Variants in ITPK1 observed in about 807,000 individuals in gnomAD.
The protein encoded by ITPK1 is inositol-tetrakisphosphate 1-kinase.
In ITPK1, 21 loss-of-function variants were observed where a neutral mutation model predicts 45.3. The observed-to-expected ratio is 0.46, with a 90% CI of 0.33 to 0.67. ITPK1 has a LOEUF of 0.67. Among genes scored for constraint, ITPK1 ranks in the 30% least tolerant of loss-of-function variants. The pLI is 0.02. For missense variants in ITPK1, 474 were observed against 573.5 expected (o/e 0.83, Z 1.77); for synonymous variants, 258 against 253.6 (o/e 1.02, Z -0.16).
chr14:93,020,191 C>T (rs902110454), intron 3 of ITPK1, among the ~76,000 whole-genome samples: 12 of 152,190 alleles, frequency 7.9e-5, no homozygotes, highest in African/African-American at 2.2e-4. Context: ...GGCTGGGAGA[C>T]GGCACAAAGG....
At position 93,031,754 on chromosome 14, in the gene ITPK1, C is replaced by T. The variant is rs971671158; in HGVS notation, c.121-14953G>A. Among the ~76,000 whole-genome samples the T allele has an allele frequency of 1.1e-4, 16 of 152,274 alleles. 1 individual carries two copies. Among genetic ancestry groups the T allele is most frequent in the African/African-American group, 2.4e-5 (1 of 41,544 alleles). ...CTCCTCCCTTCCACACCCTGGCTTCCGGCCTGGGATGTTTATTTTTGCTGA... is the reference window on the plus strand; with the variant it reads ...CTCCTCCCTTCCACACCCTGGCTTCTGGCCTGGGATGTTTATTTTTGCTGA... On this transcript the variant is annotated intron_variant, in intron 3 of 10. Transcript: ENST00000267615.
intron 2 of ITPK1, among the ~76,000 whole-genome samples, chr14:93,086,820 C>A (rs1191975368): frequency 6.6e-6 from 1 of 152,342 alleles, no homozygotes; most frequent in Non-Finnish European, 1.5e-5. Flanking sequence ...TGGGGCCCCC[C>A]AGCCACAGGC....
chr14:92,955,560 CA>C (rs1441659496), intron 8 of ITPK1, among the ~76,000 whole-genome samples: 1 of 152,344 alleles, frequency 6.6e-6, no homozygotes, highest in Admixed American at 6.5e-5. Context: ...GCAGAGAACA[CA>C]AAATGTTCCT....
At chr14:93,083,000 G>A (rs1009351085) in intron 2 of ITPK1, among the ~76,000 whole-genome samples, 1 of 152,256 alleles carries the variant, frequency 6.6e-6, no homozygotes, top group African/African-American at 2.4e-5. Context: ...GAGCAGCAGG[G>A]ACCCTGTGAG....
rs568624573 is a variant in ITPK1 at position 92,940,411 on chromosome 14, A to C, written c.*1150T>G. 46 of 1,028,144 alleles carry C rather than the reference A, an allele frequency of 4.5e-5. No individual in the cohort carries two copies. The South Asian group carries it at 1.4e-3, about 32-fold the overall frequency. 63.7% of individuals were successfully genotyped at this position (1,028,144 alleles called of 1,614,324 possible). Reference sequence around the variant, plus strand: ...CGGCAGAGCCAGTGCTTTGCTGCCAAGGTGATGGGGTGAGTCTGAGGTGTG... The same window carrying C: ...CGGCAGAGCCAGTGCTTTGCTGCCACGGTGATGGGGTGAGTCTGAGGTGTG... On this transcript the variant is annotated 3_prime_UTR_variant, in exon 11 of 11. Transcript: ENST00000267615.
At chr14:93,095,914 A>G (rs910613873) in intron 2 of ITPK1, among the ~76,000 whole-genome samples, 1 of 152,208 alleles carries the variant, frequency 6.6e-6, no homozygotes, top group Non-Finnish European at 1.5e-5. Flanking sequence ...ATGTTGCTGC[A>G]AAGGATGGGG....
chr14:92,960,808 C>T (rs1041819240), intron 7 of ITPK1, among the ~76,000 whole-genome samples: 3 of 152,252 alleles, frequency 2.0e-5, no homozygotes, highest in Non-Finnish European at 2.9e-5. Context: ...CTCGAGCCTT[C>T]CTGCTCCCTC....
At chr14:93,093,644 C>T (rs895370513) in intron 2 of ITPK1, among the ~76,000 whole-genome samples, 1 of 152,210 alleles carries the variant, frequency 6.6e-6, no homozygotes, top group Non-Finnish European at 1.5e-5. Flanking sequence ...CGTGGCGATG[C>T]TGAGGAACCA....
intron 5 of ITPK1, among the ~76,000 whole-genome samples, chr14:92,979,018 A>G (rs922242847): frequency 6.6e-6 from 1 of 152,010 alleles, no homozygotes; most frequent in Non-Finnish European, 1.5e-5. Flanking sequence ...AGCAGCTGTG[A>G]GGGCTGTACC....
At chr14:92,944,753 G>T (rs927153506) in intron 10 of ITPK1, among the ~76,000 whole-genome samples, 4 of 152,040 alleles carry the variant, frequency 2.6e-5, no homozygotes, top group African/African-American at 9.7e-5. Flanking sequence ...TTGCGCCCTG[G>T]TTCCCTCATA....
At chr14:92,971,857 C>T (rs1885672668) in intron 5 of ITPK1, among the ~76,000 whole-genome samples, 1 of 152,212 alleles carries the variant, frequency 6.6e-6, no homozygotes, top group Non-Finnish European at 1.5e-5. Flanking sequence ...TCGTATTGTC[C>T]AGCCCTGTTT....
In ITPK1 at chr14:93,016,280, C is replaced by T. The variant is rs1298577830; in HGVS notation, c.246+396G>A. ...TTCTCCACCAAGGCAGGACTCAGTT[C>T]AAAGGCCCTCGGGGGTCCCCTTTAC... On this transcript the variant is annotated intron_variant, in intron 4 of 10. Transcript: ENST00000267615. The surrounding 1 kb of genome is among the most constrained non-coding windows in gnomAD (Gnocchi z 5.0). 6.6e-6 allele frequency among the ~76,000 whole-genome samples: 1 copy of T among 152,172 alleles called. No individual in the cohort carries two copies. The highest frequency in any genetic ancestry group is 1.9e-4 in the East Asian group (1 of 5,190).
At chr14:92,947,421 T>C (rs1275887796) in intron 9 of ITPK1, among the ~76,000 whole-genome samples, 2 of 152,232 alleles carry the variant, frequency 1.3e-5, no homozygotes, top group African/African-American at 4.8e-5. Context: ...GGGCTCAGCC[T>C]GCCCCCAGCC....
intron 2 of ITPK1, among the ~76,000 whole-genome samples, chr14:93,091,628 C>A (rs747317824): frequency 6.6e-6 from 1 of 152,178 alleles, no homozygotes; most frequent in Non-Finnish European, 1.5e-5. Context: ...GGTGGCTGGG[C>A]ATGTAACTCA....
At chr14:93,089,762 C>T (rs1891794417) in intron 2 of ITPK1, among the ~76,000 whole-genome samples, 1 of 152,190 alleles carries the variant, frequency 6.6e-6, no homozygotes, top group African/African-American at 2.4e-5. Flanking sequence ...CAGCCCCCAT[C>T]TTCTTCCTGC....
chr14:92,977,430 C>A (rs1886003186), intron 5 of ITPK1, among the ~76,000 whole-genome samples: 1 of 152,316 alleles, frequency 6.6e-6, no homozygotes, highest in South Asian at 2.1e-4. Flanking sequence ...CCTTCTCGTC[C>A]ATCTACCTAC....
chr14:93,064,899 C>G (rs1890685756), intron 3 of ITPK1, among the ~76,000 whole-genome samples: 1 of 152,182 alleles, frequency 6.6e-6, no homozygotes, highest in Admixed American at 6.5e-5. Flanking sequence ...AGTTACAACT[C>G]TGGATTTACA....
chr14:93,040,604 C>A (rs1462180911), intron 3 of ITPK1, among the ~76,000 whole-genome samples: 2 of 152,204 alleles, frequency 1.3e-5, no homozygotes, highest in Admixed American at 6.5e-5. Context: ...AGGCTTCCTG[C>A]ACGCAGTCCC....
chr14:92,943,578 C>T (rs372220187), intron 10 of ITPK1, among the ~76,000 whole-genome samples: 21 of 152,334 alleles, frequency 1.4e-4, no homozygotes, highest in Admixed American at 4.6e-4. Flanking sequence ...ATCAGGTCAG[C>T]GCCAGGGAAC....
Sources: allele counts gnomAD v4.1 joint callset (sites outside exome capture counted in the v4.1 genomes callset), GRCh38; gene constraint gnomAD v4.1.1; non-coding constraint Gnocchi (gnomAD v3.1); transcripts MANE v1.5; gene names NCBI Gene and HGNC (gene_info 2026-07-23, HGNC 2026-07-21).